KCNQ3: variants seen among roughly 807,000 people sequenced by gnomAD.
KCNQ3 encodes potassium voltage-gated channel subfamily KQT member 3.
KCNQ3 carries 30 observed loss-of-function variants against 92.5 expected under a neutral mutation model. The observed-to-expected ratio is 0.32, with a 90% CI of 0.24 to 0.44. The LOEUF (loss-of-function observed/expected upper bound fraction) is 0.44. Among genes scored for constraint, KCNQ3 ranks in the 20% least tolerant of loss-of-function variants. The pLI is 1.00. For synonymous variants in KCNQ3, 450 were observed against 468.8 expected, an observed-to-expected ratio of 0.96 and a Z score of 0.52; for missense variants, 913 against 1,140.3, an observed-to-expected ratio of 0.80 and a Z score of 2.87.
rs144936588 is a variant in KCNQ3, at chr8:132,403,270, C to A, written c.386+76877G>T. 4.9e-3 allele frequency among the ~76,000 whole-genome samples: 741 copies of A among 152,174 alleles called. 6 individuals carry two copies. The highest frequency in any genetic ancestry group is 0.016 in the African/African-American group (651 of 41,502). Reference sequence around the variant, plus strand: ...GTCTCAAAAGAGCCATGACCTTGGGCCCTCCTGTGGATCTCTGGGTGCCCC... The same window carrying A: ...GTCTCAAAAGAGCCATGACCTTGGGACCTCCTGTGGATCTCTGGGTGCCCC... On this transcript the variant is annotated intron_variant, in intron 1 of 14. Transcript: ENST00000388996.
intron 12 of KCNQ3, among the ~76,000 whole-genome samples, chr8:132,136,804 T>C (rs1159511686): frequency 6.6e-6 from 1 of 152,004 alleles, no homozygotes; most frequent in African/African-American, 2.4e-5. Flanking sequence ...CCACAAATCA[T>C]ATAATTTAAA....
chr8:132,163,634 G>A (rs1207545508), intron 8 of KCNQ3, 140 bp from the exon 9 acceptor site: 8 of 782,588 alleles, frequency 1.0e-5, no homozygotes, highest in Non-Finnish European at 1.8e-5. Flanking sequence ...CAGTGTGGAG[G>A]GAACCAATGA....
intron 1 of KCNQ3, among the ~76,000 whole-genome samples, chr8:132,399,602 C>G (rs943172967): frequency 6.6e-6 from 1 of 152,184 alleles, no homozygotes; most frequent in African/African-American, 2.4e-5. Flanking sequence ...ACTCACTCCT[C>G]CTGGATTGGA....
intron 1 of KCNQ3, among the ~76,000 whole-genome samples, chr8:132,249,938 C>T (rs1442704681): frequency 3.3e-5 from 5 of 152,318 alleles, no homozygotes; most frequent in Middle Eastern, 3.4e-3. Context: ...CGGCACCGGC[C>T]GGCCGCTCCA....
chr8:132,369,961 T>C (rs1819427990), intron 1 of KCNQ3, among the ~76,000 whole-genome samples: 1 of 152,222 alleles, frequency 6.6e-6, no homozygotes, highest in Non-Finnish European at 1.5e-5. Flanking sequence ...TGCTGCTGTA[T>C]TCCCTCTGCT....
chr8:132,139,860 C>T (rs1429129171), intron 11 of KCNQ3, among the ~76,000 whole-genome samples: 1 of 152,112 alleles, frequency 6.6e-6, no homozygotes, highest in Non-Finnish European at 1.5e-5. Flanking sequence ...AAGGCAGGTA[C>T]CTACGAGTCA....
chr8:132,249,589 GC>G (rs1815323698), intron 1 of KCNQ3, among the ~76,000 whole-genome samples: 1 of 152,220 alleles, frequency 6.6e-6, no homozygotes, highest in Non-Finnish European at 1.5e-5. Flanking sequence ...AGCCCAGCTG[GC>G]TTCACCTAGT....
rs145858125 is a variant in KCNQ3, at chr8:132,307,501, G to A, written c.387-121320C>T. On this transcript the variant is annotated intron_variant, in intron 1 of 14. Transcript: ENST00000388996. ...TAACTTGCTGTGTGTGACTTAGGCC[G>A]AATCACTTCATTTCTCTTGGCTTTA... 3.9e-5 allele frequency among the ~76,000 whole-genome samples: 6 copies of A among 152,264 alleles called. No individual in the cohort carries two copies. In the East Asian group the frequency reaches 9.7e-4, roughly 25 times the overall value.
At chr8:132,198,706 C>T (rs867285718) in intron 1 of KCNQ3, among the ~76,000 whole-genome samples, 5 of 152,190 alleles carry the variant, frequency 3.3e-5, no homozygotes, top group South Asian at 4.2e-4. Context: ...ACTTGGGAGG[C>T]TGAGGCAGGA....
intron 1 of KCNQ3, among the ~76,000 whole-genome samples, chr8:132,354,837 C>A (rs1356740239): frequency 6.6e-6 from 1 of 152,170 alleles, no homozygotes; most frequent in Non-Finnish European, 1.5e-5. Context: ...CAGTGGGGCA[C>A]CCCCAATAAT....
intron 1 of KCNQ3, among the ~76,000 whole-genome samples, chr8:132,295,441 T>C (rs1254625931): frequency 1.3e-5 from 2 of 152,188 alleles, no homozygotes. Context: ...GGTGGGAAAG[T>C]TAATTAGTTC....
intron 8 of KCNQ3, among the ~76,000 whole-genome samples, chr8:132,167,277 C>T (rs537326397): frequency 1.1e-4 from 17 of 152,160 alleles, no homozygotes; most frequent in South Asian, 4.2e-4. Flanking sequence ...GAGGAGAAGA[C>T]GGAACCAGGA....
At chr8:132,271,201 C>T (rs1009114620) in intron 1 of KCNQ3, among the ~76,000 whole-genome samples, 1 of 152,248 alleles carries the variant, frequency 6.6e-6, no homozygotes, top group South Asian at 2.1e-4. Context: ...AGAGCCATTG[C>T]TCCAGGACTT....
At chr8:132,370,568 C>T (rs972359619) in intron 1 of KCNQ3, among the ~76,000 whole-genome samples, 10 of 152,032 alleles carry the variant, frequency 6.6e-5, no homozygotes, top group Admixed American at 2.0e-4. Flanking sequence ...CAAGCAGCTC[C>T]AATCAATTGG....
intron 9 of KCNQ3, among the ~76,000 whole-genome samples, chr8:132,146,957 C>T (rs572532148): frequency 2.6e-5 from 4 of 152,202 alleles, no homozygotes; most frequent in African/African-American, 4.8e-5. Flanking sequence ...TGCCCCTGGC[C>T]GAGATCTGTA....
chr8:132,266,577 T>C (rs1815988589), intron 1 of KCNQ3, among the ~76,000 whole-genome samples: 1 of 152,102 alleles, frequency 6.6e-6, no homozygotes, highest in Non-Finnish European at 1.5e-5. Context: ...TCTGTTTGGA[T>C]CCAGTGCATC....
At chr8:132,140,806 C>T in intron 10 of KCNQ3, 3 of 376,886 alleles carry the variant, frequency 8.0e-6, no homozygotes. Context: ...GCACCTGGCA[C>T]CGCCCCATCC....
At chr8:132,230,255 T>C (rs986159653) in intron 1 of KCNQ3, among the ~76,000 whole-genome samples, 1 of 152,138 alleles carries the variant, frequency 6.6e-6, no homozygotes, top group Non-Finnish European at 1.5e-5. Flanking sequence ...ATTTGCAAAC[T>C]GACAGTCACT....
chr8:132,137,860 G>A (rs758168644), intron 12 of KCNQ3, 25 bp downstream of exon 12: 3 of 1,613,312 alleles, frequency 1.9e-6, no homozygotes, highest in Non-Finnish European at 2.5e-6. Flanking sequence ...GGGGAGCGCA[G>A]TCCCTCCAGA....
Sources: gnomAD v4.1 joint callset for allele counts (sites outside exome capture counted in the v4.1 genomes callset) on GRCh38, gnomAD v4.1.1 for gene constraint, MANE v1.5 for transcripts, NCBI Gene and HGNC (gene_info 2026-07-23, HGNC 2026-07-21) for gene names.